MAGI2: variants seen among roughly 807,000 people sequenced by gnomAD.
The protein encoded by MAGI2 is membrane associated guanylate kinase, WW and PDZ domain containing 2.
In MAGI2, 35 loss-of-function variants were observed where a neutral mutation model predicts 133.3. The observed-to-expected ratio is 0.26, with a 90% CI of 0.20 to 0.35. MAGI2 has a LOEUF of 0.35. Ranked by LOEUF, MAGI2 falls within the 10% of genes least tolerant of loss-of-function variation. The pLI, the probability that MAGI2 is intolerant of heterozygous loss-of-function variation, is 1.00. For synonymous variants in MAGI2, 729 were observed against 710.6 expected (o/e 1.03, Z -0.41); for missense variants, 1,636 against 1,863.4 (o/e 0.88, Z 2.25).
chr7:78,240,057 A>G (rs1226397584), intron 10 of MAGI2, among the ~76,000 whole-genome samples: 2 of 152,122 alleles, frequency 1.3e-5, no homozygotes, highest in African/African-American at 2.4e-5. Context: ...ATAGGTGTAC[A>G]TGTGCCATGT....
At chr7:78,390,428 A>G (rs1795794134) in intron 6 of MAGI2, among the ~76,000 whole-genome samples, 1 of 152,164 alleles carries the variant, frequency 6.6e-6, no homozygotes, top group Admixed American at 6.5e-5. Flanking sequence ...TATTTATTCA[A>G]CATTTATTGA....
intron 1 of MAGI2, among the ~76,000 whole-genome samples, chr7:79,341,434 T>C (rs1045565235): frequency 6.6e-6 from 1 of 151,972 alleles, no homozygotes; most frequent in Non-Finnish European, 1.5e-5. Context: ...CAAGAGGTGA[T>C]AGTTCTTGGG....
At chr7:78,913,491 C>A (rs1798568350) in intron 2 of MAGI2, among the ~76,000 whole-genome samples, 1 of 152,162 alleles carries the variant, frequency 6.6e-6, no homozygotes, top group African/African-American at 2.4e-5. Context: ...GCCTGCAAAA[C>A]TGTGAGCCAA....
At chr7:78,741,547 A>G (rs976347532) in intron 2 of MAGI2, among the ~76,000 whole-genome samples, 3 of 151,978 alleles carry the variant, frequency 2.0e-5, no homozygotes, top group Non-Finnish European at 1.5e-5. Context: ...TTATTTGAAA[A>G]TACAGTAGAA....
intron 2 of MAGI2, among the ~76,000 whole-genome samples, chr7:78,767,784 C>T (rs1825179414): frequency 6.6e-6 from 1 of 152,178 alleles, no homozygotes; most frequent in Admixed American, 6.5e-5. Flanking sequence ...TTACGAATAA[C>T]TAATTTATTC....
chr7:78,514,963 G>A (rs1438858958), intron 4 of MAGI2, among the ~76,000 whole-genome samples: 2 of 152,292 alleles, frequency 1.3e-5, no homozygotes, highest in Non-Finnish European at 2.9e-5. Flanking sequence ...CTTTGTTGGC[G>A]AAGGTAGCTC....
intron 2 of MAGI2, among the ~76,000 whole-genome samples, chr7:78,728,971 C>T (rs1821108679): frequency 6.6e-6 from 1 of 152,124 alleles, no homozygotes. Context: ...AGTTCTTAGG[C>T]TTCTGCTCAC....
rs138873410 is a variant in MAGI2, at chr7:78,622,119, T to C, written c.538+5001A>G. On this transcript the variant is annotated intron_variant, in intron 3 of 21. Transcript: ENST00000354212. ...AATAAATGCACCAATTTTGGAAGCA[T>C]TTCAGATGAGCAAGAAGAAACAGGG... 3.6e-3 allele frequency among the ~76,000 whole-genome samples: 541 copies of C among 152,132 alleles called. 2 individuals carry two copies. The highest frequency in any genetic ancestry group is 0.024 in the Middle Eastern group (7 of 294).
intron 6 of MAGI2, among the ~76,000 whole-genome samples, chr7:78,482,909 A>C (rs1256716532): frequency 1.4e-5 from 2 of 143,798 alleles, no homozygotes; most frequent in African/African-American, 2.9e-5. Flanking sequence ...ACACACACAC[A>C]CACACACACA....
chr7:78,306,998 C>T (rs984426239), intron 9 of MAGI2, among the ~76,000 whole-genome samples: 6 of 152,020 alleles, frequency 3.9e-5, no homozygotes, highest in Non-Finnish European at 8.8e-5. Context: ...TTCCAGAGCA[C>T]AAAATATACC....
At chr7:78,529,667 G>GTTTTTTTTT (rs1563128653) in intron 3 of MAGI2, among the ~76,000 whole-genome samples, 47 of 56,332 alleles carry the variant, frequency 8.3e-4, no homozygotes, top group African/African-American at 2.8e-3. Context: ...TAAAGGAGAT[G>GTTTTTTTTT]GTTTTTTTTT....
At chr7:78,070,126 C>CAT (rs5885039) in intron 21 of MAGI2, among the ~76,000 whole-genome samples, 4,497 of 136,154 alleles carry the variant, frequency 0.033, 149 homozygotes, top group Admixed American at 0.06. Context: ...CACACACACA[C>CAT]ATATATGTGT....
At chr7:78,342,644 T>C (rs1790509925) in intron 9 of MAGI2, among the ~76,000 whole-genome samples, 1 of 152,170 alleles carries the variant, frequency 6.6e-6, no homozygotes, top group Non-Finnish European at 1.5e-5. Flanking sequence ...AAGGGATGTG[T>C]TCCTGTCCTT....
intron 6 of MAGI2, among the ~76,000 whole-genome samples, chr7:78,423,083 G>T (rs190489279): frequency 6.6e-6 from 1 of 152,118 alleles, no homozygotes; most frequent in African/African-American, 2.4e-5. Flanking sequence ...AAATGTTCAC[G>T]ATATGGTGTG....
intron 2 of MAGI2, among the ~76,000 whole-genome samples, chr7:78,777,326 A>T (rs1394290321): frequency 6.6e-6 from 1 of 152,238 alleles, no homozygotes; most frequent in African/African-American, 2.4e-5. Flanking sequence ...GTGGTACCAC[A>T]TAAATTACTC....
chr7:78,727,854 G>A (rs906186938), intron 2 of MAGI2, among the ~76,000 whole-genome samples: 2 of 151,976 alleles, frequency 1.3e-5, no homozygotes, highest in Admixed American at 6.6e-5. Context: ...ATTATTTTAC[G>A]CTCTGGGGAT....
At chr7:79,249,594 C>A (rs1012623868) in intron 1 of MAGI2, among the ~76,000 whole-genome samples, 7 of 151,944 alleles carry the variant, frequency 4.6e-5, no homozygotes, top group Admixed American at 1.3e-4. Context: ...CAATATTGAA[C>A]AATGAAGAAA....
intron 2 of MAGI2, among the ~76,000 whole-genome samples, chr7:78,852,311 T>G (rs924876669): frequency 6.6e-6 from 1 of 152,108 alleles, no homozygotes; most frequent in African/African-American, 2.4e-5. Context: ...TATCAAATTT[T>G]AGTCAACTAT....
rs193196847 is a variant in MAGI2, at chr7:79,448,913, A to G, written c.301+4107T>C. ...CGAGGTCATACCATTTAAATTATCT[A>G]CATGTACCAGAAAACTACAGTGGTA... On this transcript the variant is annotated intron_variant, in intron 1 of 21. Transcript: ENST00000354212. Among the ~76,000 whole-genome samples the G allele has an allele frequency of 6.3e-4, 96 of 152,230 alleles. 2 individuals are homozygous for G. The highest frequency in any genetic ancestry group is 2.7e-3 in the East Asian group (14 of 5,196).
Sources: gnomAD v4.1 joint callset for allele counts (sites outside exome capture counted in the v4.1 genomes callset) on GRCh38, gnomAD v4.1.1 for gene constraint, MANE v1.5 for transcripts, NCBI Gene and HGNC (gene_info 2026-07-23, HGNC 2026-07-21) for gene names.